The following DIAPH2 variants were observed in gnomAD, a reference collection of about 807,000 sequenced individuals.
The protein encoded by DIAPH2 is diaphanous related formin 2.
In DIAPH2, 35 loss-of-function variants were observed where a neutral mutation model predicts 92.7. The ratio of observed to expected loss-of-function variants is 0.38; its 90% CI spans 0.29 to 0.50. The LOEUF (loss-of-function observed/expected upper bound fraction) is 0.50, where lower values mean the gene tolerates loss of function less well. DIAPH2 is among the 20% of genes least tolerant of loss of function. DIAPH2 has a pLI of 0.94. For missense variants in DIAPH2, 701 were observed against 819.5 expected (o/e 0.86, Z 1.77); for synonymous variants, 301 against 280.4 (o/e 1.07, Z -0.73).
intron 4 of DIAPH2, among the ~76,000 whole-genome samples, chrX:96,873,021 A>G (rs984778363): frequency 8.9e-6 from 1 of 111,883 alleles, no homozygotes; most frequent in Non-Finnish European, 1.9e-5. Context: ...TAGTGGCTAT[A>G]CTAGTTTACA....
intron 22 of DIAPH2, among the ~76,000 whole-genome samples, chrX:97,178,405 A>C (rs181680106): frequency 1.9e-3 from 205 of 106,562 alleles, no homozygotes; most frequent in African/African-American, 6.7e-3. Context: ...CAAGACAATG[A>C]TGAAGCAATC....
intron 25 of DIAPH2, among the ~76,000 whole-genome samples, chrX:97,427,452 C>T (rs901916010): frequency 1.8e-5 from 2 of 111,222 alleles, no homozygotes; most frequent in Admixed American, 1.9e-4. Context: ...GCCTCTCCAC[C>T]ACAGTTGAAA....
chrX:97,437,080 C>T (rs903824444), intron 26 of DIAPH2, among the ~76,000 whole-genome samples: 24 of 111,288 alleles, frequency 2.2e-4, no homozygotes, highest in African/African-American at 7.5e-4. Context: ...ACAGATCCCA[C>T]GTAATACTCA....
intron 26 of DIAPH2, among the ~76,000 whole-genome samples, chrX:97,560,518 G>A (rs1324289060): frequency 9.0e-6 from 1 of 110,798 alleles, no homozygotes. Flanking sequence ...TTTAGATGGA[G>A]TTTCACTCTT....
chrX:97,217,803 A>G (rs1041078871), intron 22 of DIAPH2, among the ~76,000 whole-genome samples: 2 of 110,084 alleles, frequency 1.8e-5, no homozygotes, highest in Admixed American at 2.0e-4. Flanking sequence ...AAAATTAGCT[A>G]GGCATGGTGG....
At position 96,958,212 on chromosome X, in the gene DIAPH2, C is replaced by T. The variant is rs1456538857; in HGVS notation, c.1935+64C>T. On this transcript the variant is annotated intron_variant, in intron 16 of 26. Coordinates refer to ENST00000324765, the MANE Select transcript of DIAPH2 (RefSeq NM_006729.5). ...TTTGTTGATCATTGCTATGTGTACA[C>T]ATTGTATAATGTTTGAGAGTATGAC... 6.2e-6 allele frequency: 7 copies of T among 1,129,981 alleles called. No individual in the cohort carries two copies. In the Admixed American group the frequency reaches 1.2e-4, roughly 19 times the overall value. The allele number at this position is 1,129,981 out of a possible 1,213,427, so 93.1% of individuals were successfully genotyped here.
chrX:96,771,593 A>G (rs1186846710), intron 4 of DIAPH2, among the ~76,000 whole-genome samples: 1 of 111,685 alleles, frequency 9.0e-6, no homozygotes, highest in African/African-American at 3.3e-5. Context: ...TATATCCTTT[A>G]AAAGCTCTGT....
At chrX:97,056,793 G>C (rs2066560041) in intron 17 of DIAPH2, among the ~76,000 whole-genome samples, 1 of 111,590 alleles carries the variant, frequency 9.0e-6, no homozygotes, top group Admixed American at 9.5e-5. Flanking sequence ...ACTCTGCTTT[G>C]TTTTAAACAT....
chrX:97,297,425 T>C (rs867097535), intron 23 of DIAPH2, among the ~76,000 whole-genome samples: 15 of 109,259 alleles, frequency 1.4e-4, no homozygotes, highest in African/African-American at 5.0e-4. Flanking sequence ...TTGTATAATG[T>C]AGATTTATTT....
At chrX:97,153,525 C>G (rs775617066) in intron 22 of DIAPH2, among the ~76,000 whole-genome samples, 14 of 110,810 alleles carry the variant, frequency 1.3e-4, no homozygotes, top group Admixed American at 1.1e-3. Flanking sequence ...GTGGAGGTTG[C>G]AATGAGCCGA....
intron 17 of DIAPH2, among the ~76,000 whole-genome samples, chrX:97,049,713 A>G (rs901907559): frequency 5.4e-5 from 6 of 111,049 alleles, no homozygotes; most frequent in Non-Finnish European, 7.6e-5. Context: ...GATATCACTC[A>G]TGTTTATTTT....
At chrX:97,537,174 A>G (rs2071102597) in intron 26 of DIAPH2, among the ~76,000 whole-genome samples, 1 of 111,136 alleles carries the variant, frequency 9.0e-6, no homozygotes, top group African/African-American at 3.3e-5. Flanking sequence ...GGCTAGGAGG[A>G]TAGGGAGGTA....
At chrX:96,896,050 TTGACA>T (rs1172324090) in intron 5 of DIAPH2, among the ~76,000 whole-genome samples, 2 of 111,885 alleles carry the variant, frequency 1.8e-5, no homozygotes, top group African/African-American at 6.5e-5. Flanking sequence ...GTATATATCA[TTGACA>T]TGTCTACAGC....
At chrX:97,104,970 C>G (rs925744067) in intron 20 of DIAPH2, among the ~76,000 whole-genome samples, 1 of 111,594 alleles carries the variant, frequency 9.0e-6, no homozygotes, top group Non-Finnish European at 1.9e-5. Flanking sequence ...AACCCCGTCT[C>G]TACAAAAAAT....
At chrX:97,397,905 T>G (rs1200487528) in intron 25 of DIAPH2, among the ~76,000 whole-genome samples, 1 of 112,604 alleles carries the variant, frequency 8.9e-6, no homozygotes, top group Non-Finnish European at 1.9e-5. Flanking sequence ...CTTTTGCCAA[T>G]TGAACCTTTT....
At chrX:96,940,247 T>G (rs889798134) in intron 12 of DIAPH2, among the ~76,000 whole-genome samples, 2 of 112,196 alleles carry the variant, frequency 1.8e-5, no homozygotes, top group African/African-American at 6.5e-5. Flanking sequence ...GATCTTAACA[T>G]CTAAGAAAAT....
At chrX:97,167,469 C>G (rs1010211242) in intron 22 of DIAPH2, among the ~76,000 whole-genome samples, 1 of 111,487 alleles carries the variant, frequency 9.0e-6, no homozygotes, top group Non-Finnish European at 1.9e-5. Flanking sequence ...ACTGTACACT[C>G]TTTCAAGAAT....
intron 17 of DIAPH2, among the ~76,000 whole-genome samples, chrX:96,967,864 G>T (rs756587576): frequency 2.7e-5 from 3 of 111,924 alleles, no homozygotes; most frequent in Non-Finnish European, 5.6e-5. Context: ...ACATAAAAGT[G>T]CATGTGTCTT....
intron 23 of DIAPH2, among the ~76,000 whole-genome samples, chrX:97,315,521 C>T (rs778521166): frequency 9.0e-6 from 1 of 111,428 alleles, no homozygotes; most frequent in Non-Finnish European, 1.9e-5. Context: ...CCTTTACCCC[C>T]ACTCCTCTAC....
Sources: gnomAD v4.1 joint callset for allele counts (sites outside exome capture counted in the v4.1 genomes callset) on GRCh38, gnomAD v4.1.1 for gene constraint, MANE v1.5 for transcripts, NCBI Gene and HGNC (gene_info 2026-07-23, HGNC 2026-07-21) for gene names.